The following MAP3K4 variants were observed in gnomAD, a reference collection of about 807,000 sequenced individuals.
MAP3K4 encodes mitogen-activated protein kinase kinase kinase 4.
Under a neutral mutation model 185.6 loss-of-function variants are expected in MAP3K4, and 67 were observed. The ratio of observed to expected loss-of-function variants is 0.36; its 90% confidence interval spans 0.30 to 0.44. The LOEUF is 0.44. Ranked by LOEUF, MAP3K4 falls within the 20% of genes least tolerant of loss-of-function variation. The pLI is 1.00. For synonymous variants in MAP3K4, 702 were observed against 710.4 expected, an observed-to-expected ratio of 0.99 and a Z score of 0.19; for missense variants, 1,551 against 1,995.1, an observed-to-expected ratio of 0.78 and a Z score of 4.24.
At position 161,076,368 on chromosome 6, in the gene MAP3K4, G is replaced by T. The variant is rs1284086453; in HGVS notation, c.2097+2756G>T. ...CCGAATGGGAGCTCTCTTAGCAGGG[G>T]GAGGGGAAGCAGTGATTAGCAAGTT... On this transcript the variant is annotated intron_variant, in intron 5 of 26. Transcript: ENST00000392142. This position sits in a 1 kb window ranked among gnomAD's most constrained non-coding sequence, Gnocchi z 4.2. 1.3e-5 allele frequency among the ~76,000 whole-genome samples: 2 copies of T among 152,218 alleles called. No individual in the cohort carries two copies. The highest frequency in any genetic ancestry group is 2.9e-5 in the Non-Finnish European group (2 of 68,040).
chr6:161,021,222 T>C (rs943660651), intron 1 of MAP3K4, among the ~76,000 whole-genome samples: 4 of 152,248 alleles, frequency 2.6e-5, no homozygotes, highest in Non-Finnish European at 5.9e-5. Flanking sequence ...AAGTGAACAA[T>C]TCTTTTCCCT....
Position 161,089,513 on chromosome 6 carries a change from T to C in MAP3K4, c.2973+42T>C, listed in dbSNP as rs759563547. The C allele has an allele frequency of 9.3e-6, 15 of 1,605,784 alleles. No individual in the cohort carries two copies. The Admixed American group carries it at 2.0e-4, about 22-fold the overall frequency. ...TACATTAGCTGAGATTTTTCCTTTTTGATGAAAGTCAGTGTGTGGTAATGT... is the reference window on the plus strand; with the variant it reads ...TACATTAGCTGAGATTTTTCCTTTTCGATGAAAGTCAGTGTGTGGTAATGT... On this transcript the variant is annotated intron_variant, in intron 11 of 26. Transcript: ENST00000392142.
intron 3 of MAP3K4, among the ~76,000 whole-genome samples, chr6:161,066,958 A>G (rs1460776779): frequency 6.6e-6 from 1 of 152,250 alleles, no homozygotes; most frequent in Non-Finnish European, 1.5e-5. Context: ...AGAGCTTTAT[A>G]TAAACATTGT....
At position 161,098,196 on chromosome 6, in the gene MAP3K4, T is replaced by G; in HGVS notation, c.3525-82T>G. On this transcript the variant is annotated intron_variant, in intron 16 of 26. Transcript: ENST00000392142. The surrounding 1 kb of genome is among the most constrained non-coding windows in gnomAD (Gnocchi z 4.4). ...TTAAATATATTTCACCCCCTTGCCATATTTTATTTTTAATTGAAAACAATT... is the reference window on the plus strand; with the variant it reads ...TTAAATATATTTCACCCCCTTGCCAGATTTTATTTTTAATTGAAAACAATT... 1 of 1,394,398 alleles carries G rather than the reference T, an allele frequency of 7.2e-7. No individual in the cohort carries two copies. Among genetic ancestry groups the G allele is most frequent in the Non-Finnish European group, 9.7e-7 (1 of 1,028,586 alleles). The allele number at this position is 1,394,398 out of a possible 1,614,324, so 86.4% of individuals were successfully genotyped here.
Position 161,061,083 on chromosome 6 carries a change from C to T in MAP3K4, c.1708-9525C>T, listed in dbSNP as rs1378529004. On this transcript the variant is annotated intron_variant, in intron 3 of 26. Transcript: ENST00000392142. The surrounding 1 kb of genome is among the most constrained non-coding windows in gnomAD (Gnocchi z 4.2). ...CAGATGAAAACACATACACAAAATG[C>T]ATCACATGTCCTTTCTGATAGTTCT... 6.6e-6 allele frequency among the ~76,000 whole-genome samples: 1 copy of T among 152,220 alleles called. No individual in the cohort carries two copies. The highest frequency in any genetic ancestry group is 1.5e-5 in the Non-Finnish European group (1 of 68,044).
At chr6:161,014,314 G>A (rs1402839407) in intron 1 of MAP3K4, among the ~76,000 whole-genome samples, 1 of 152,148 alleles carries the variant, frequency 6.6e-6, no homozygotes, top group Non-Finnish European at 1.5e-5. Flanking sequence ...CCTGGGAATG[G>A]TATTTGAATG....
chr6:161,108,816 A>T lies in MAP3K4; in HGVS notation c.4193A>T (p.Lys1398Ile). 1 of 1,614,134 alleles carries T rather than the reference A, an allele frequency of 6.2e-7. No homozygotes were observed. Among genetic ancestry groups the T allele is most frequent in the Non-Finnish European group, 8.5e-7 (1 of 1,180,012 alleles). The change falls in exon 22 of 27, where the codon AAA (lysine) becomes ATA (isoleucine). Residue 1398 changes from lysine to isoleucine, a missense_variant. By Grantham distance (102) the Lys-to-Ile change is moderately radical. Around this residue, in one of 16 missense-constraint regions of MAP3K4, gnomAD observed 159 missense variants for 300.5 expected, o/e 0.53. Coordinates refer to ENST00000392142, the MANE Select transcript of MAP3K4 (RefSeq NM_005922.4). The surrounding 1 kb of genome is among the most constrained non-coding windows in gnomAD (Gnocchi z 5.7). ...ADELKIFEGI[K>I]HPNLVRYFGV... Reference sequence around the variant, plus strand: ...GAATTGAAAATATTCGAAGGCATCAAACACCCCAATCTGGTTCGGTATTTT... The same window carrying T: ...GAATTGAAAATATTCGAAGGCATCATACACCCCAATCTGGTTCGGTATTTT...
intron 19 of MAP3K4, among the ~76,000 whole-genome samples, chr6:161,105,528 C>T (rs184935732): frequency 6.6e-6 from 1 of 152,314 alleles, no homozygotes; most frequent in Admixed American, 6.5e-5. Flanking sequence ...TTTTTCTGTA[C>T]TCTTCCCAGA....
rs994922160 is a variant in MAP3K4 at position 161,043,507 on chromosome 6, A to G, written c.344-5109A>G. On this transcript the variant is annotated intron_variant, in intron 2 of 26. Coordinates refer to ENST00000392142, the MANE Select transcript of MAP3K4 (RefSeq NM_005922.4). The surrounding 1 kb of genome is among the most constrained non-coding windows in gnomAD (Gnocchi z 4.3). ...AGTCCAAGGATGGTGTGGTGGCACC[A>G]ACTTGGGCTAGGACCCCTGTTCTGA... is the stretch of plus-strand genomic sequence containing the variant. Among the ~76,000 whole-genome samples, 2 of 152,186 alleles carry G rather than the reference A, an allele frequency of 1.3e-5. No individual in the cohort carries two copies. The highest frequency in any genetic ancestry group is 2.9e-5 in the Non-Finnish European group (2 of 68,040).
chr6:161,030,291 T>G (rs551505974), intron 1 of MAP3K4, among the ~76,000 whole-genome samples: 1 of 152,318 alleles, frequency 6.6e-6, no homozygotes, highest in South Asian at 2.1e-4. Context: ...AGTTCACTGA[T>G]GTTTTTCTGC....
rs149906620 is a variant in MAP3K4, at chr6:161,029,258, G to T, written c.153-5001G>T. Among the ~76,000 whole-genome samples the T allele has an allele frequency of 3.1e-3, 466 of 152,020 alleles. 4 individuals carry two copies. Among genetic ancestry groups the T allele is most frequent in the African/African-American group, 0.011 (444 of 41,464 alleles). ...GGTTTTTTTGGCGGGGGTGGTGTTG[G>T]GGGGCAGGGGTGGCTTTTGCAGAAC... On this transcript the variant is annotated intron_variant, in intron 1 of 26. Coordinates refer to ENST00000392142, the MANE Select transcript of MAP3K4 (RefSeq NM_005922.4).
In MAP3K4 at chr6:161,106,815, A is replaced by ATG. The variant is rs1778096209; in HGVS notation, c.4048+110_4048+111insTG. On this transcript the variant is annotated intron_variant, in intron 20 of 26. Coordinates refer to ENST00000392142, the MANE Select transcript of MAP3K4 (RefSeq NM_005922.4). This position sits in a 1 kb window ranked among gnomAD's most constrained non-coding sequence, Gnocchi z 4.9. Reference sequence around the variant, plus strand: ...GTTGGCCCTTTTTTCTTGTAGACATAGCAAGTATGCATTGTTATCTTTTTG... The same window carrying ATG: ...GTTGGCCCTTTTTTCTTGTAGACATATGGCAAGTATGCATTGTTATCTTTTTG... 4 of 817,328 alleles carry ATG rather than the reference A, an allele frequency of 4.9e-6. No individual in the cohort carries two copies. The highest frequency in any genetic ancestry group is 7.2e-6 in the Non-Finnish European group (4 of 557,890). 50.6% of individuals were successfully genotyped at this position (817,328 alleles called of 1,614,324 possible). A position where few individuals can be genotyped will look rare whatever the true frequency, so the allele number is the denominator to read the frequency against.
intron 3 of MAP3K4, among the ~76,000 whole-genome samples, chr6:161,069,802 G>C (rs925923059): frequency 1.3e-5 from 2 of 152,024 alleles, no homozygotes; most frequent in Non-Finnish European, 2.9e-5. Flanking sequence ...GATGGGGAGG[G>C]GAGAAATAGC....
In MAP3K4 at chr6:161,076,156, A is replaced by G. The variant is rs1785166170; in HGVS notation, c.2097+2544A>G. ...TAAAATGAAGGTAAACCCAAGCTCT[A>G]AATACGTGTCCGCCTTAGGCCCAGA... On this transcript the variant is annotated intron_variant, in intron 5 of 26. Coordinates refer to ENST00000392142, the MANE Select transcript of MAP3K4 (RefSeq NM_005922.4). The surrounding 1 kb of genome is among the most constrained non-coding windows in gnomAD (Gnocchi z 4.2). Among the ~76,000 whole-genome samples, 1 of 152,238 alleles carries G rather than the reference A, an allele frequency of 6.6e-6. No homozygotes were observed. Among genetic ancestry groups the G allele is most frequent in the South Asian group, 2.1e-4 (1 of 4,834 alleles).
chr6:161,112,496 C>T lies in MAP3K4; in HGVS notation c.4520-172C>T, dbSNP rs977698420. On this transcript the variant is annotated intron_variant, in intron 24 of 26. Transcript: ENST00000392142. The surrounding 1 kb of genome is among the most constrained non-coding windows in gnomAD (Gnocchi z 5.1). Reference sequence around the variant, plus strand: ...TAGTCTTTTAAAAGAGAATTTGTCACCTAAAAAGTTTGTTCAACAAGTTGA... The same window carrying T: ...TAGTCTTTTAAAAGAGAATTTGTCATCTAAAAAGTTTGTTCAACAAGTTGA... 6.6e-6 allele frequency among the ~76,000 whole-genome samples: 1 copy of T among 152,096 alleles called. No homozygotes were observed. Among genetic ancestry groups the T allele is most frequent in the Non-Finnish European group, 1.5e-5 (1 of 68,010 alleles).
At chr6:161,042,722 T>C (rs1783535808) in intron 2 of MAP3K4, among the ~76,000 whole-genome samples, 1 of 152,162 alleles carries the variant, frequency 6.6e-6, no homozygotes, top group African/African-American at 2.4e-5. Flanking sequence ...GTTTATCTCA[T>C]AGTTTAAGTA....
chr6:161,055,514 T>G (rs943598703), intron 3 of MAP3K4, among the ~76,000 whole-genome samples: 32 of 152,248 alleles, frequency 2.1e-4, no homozygotes, highest in African/African-American at 7.2e-4. Flanking sequence ...CCAATACATT[T>G]GTTAAAACTA....
At chr6:161,002,242 G>T (rs1781356920) in intron 1 of MAP3K4, among the ~76,000 whole-genome samples, 1 of 152,004 alleles carries the variant, frequency 6.6e-6, no homozygotes, top group African/African-American at 2.4e-5. Flanking sequence ...AGGCACAGCT[G>T]TCTTTTTCTG....
At chr6:161,015,217 C>T (rs994515356) in intron 1 of MAP3K4, among the ~76,000 whole-genome samples, 28 of 151,472 alleles carry the variant, frequency 1.8e-4, no homozygotes, top group Non-Finnish European at 2.9e-5. Flanking sequence ...AACACAGGAA[C>T]GGAAAACCAA....
Sources: allele counts gnomAD v4.1 joint callset (sites outside exome capture counted in the v4.1 genomes callset), GRCh38; gene constraint gnomAD v4.1.1; regional missense constraint gnomAD v4.1.1; non-coding constraint Gnocchi (gnomAD v3.1); transcripts MANE v1.5; gene names NCBI Gene and HGNC (gene_info 2026-07-23, HGNC 2026-07-21).